CATSPERB: variants seen among roughly 807,000 people sequenced by gnomAD.
CATSPERB encodes the protein cation channel sperm-associated auxiliary subunit beta.
A neutral mutation model predicts 128.3 loss-of-function variants in CATSPERB; 93 were observed. That is an observed-to-expected ratio of 0.72 (90% CI 0.61 to 0.86). The LOEUF (loss-of-function observed/expected upper bound fraction) is 0.86, where lower values mean the gene tolerates loss of function less well. Ranked by LOEUF, CATSPERB falls within the 40% of genes least tolerant of loss-of-function variation. The pLI, the probability that CATSPERB is intolerant of heterozygous loss-of-function variation, is 0.00. For missense variants in CATSPERB, 1,153 were observed against 1,329.5 expected, an observed-to-expected ratio of 0.87 and a Z score of 2.06; for synonymous variants, 381 against 448.8, an observed-to-expected ratio of 0.85 and a Z score of 1.91.
chr14:91,708,495 G>A (rs1381078307), intron 5 of CATSPERB, among the ~76,000 whole-genome samples: 3 of 152,156 alleles, frequency 2.0e-5, no homozygotes, highest in Non-Finnish European at 4.4e-5. Flanking sequence ...TTCTCCTAGA[G>A]CTGTAGGGGC....
At chr14:91,588,241 A>C (rs1893338109) in intron 24 of CATSPERB, among the ~76,000 whole-genome samples, 163 bp from the exon 25 acceptor site, 1 of 152,194 alleles carries the variant, frequency 6.6e-6, no homozygotes, top group Non-Finnish European at 1.5e-5. Flanking sequence ...GGTACAATGA[A>C]AGATTTCACT....
intron 15 of CATSPERB, among the ~76,000 whole-genome samples, chr14:91,645,978 C>CT: frequency 6.7e-6 from 1 of 149,862 alleles, no homozygotes; most frequent in Non-Finnish European, 1.5e-5. Context: ...TTTCCAGGTG[C>CT]GTCCGTCACC....
At position 91,636,564 on chromosome 14, in the gene CATSPERB, A is replaced by T; in HGVS notation, c.1603T>A (p.Phe535Ile). The change falls in exon 17 of 27, where the codon TTT (phenylalanine) becomes ATT (isoleucine). Residue 535 changes from phenylalanine (F) to isoleucine (I), a missense_variant. Coordinates refer to ENST00000256343, the MANE Select transcript of CATSPERB (RefSeq NM_024764.4). ...TGCTGTGGGGCAAGCGCAGTCTCAA[A>T]GCCCATATCTGGAGGCTGGAAACAG... Reference protein sequence around the residue: ...NLFGQPPDMGFETALAPQHTS... With the variant: ...NLFGQPPDMGIETALAPQHTS... 1 of 1,613,264 alleles carries T rather than the reference A, an allele frequency of 6.2e-7. No individual in the cohort carries two copies. Among genetic ancestry groups the T allele is most frequent in the Non-Finnish European group, 8.5e-7 (1 of 1,179,644 alleles).
chr14:91,648,283 C>A (rs575738425), intron 15 of CATSPERB, among the ~76,000 whole-genome samples: 2 of 152,240 alleles, frequency 1.3e-5, no homozygotes, highest in African/African-American at 4.8e-5. Context: ...TGTTAATAAT[C>A]TTTTAATGGC....
chr14:91,690,567 G>A (rs1439201727), intron 10 of CATSPERB, among the ~76,000 whole-genome samples: 1 of 152,178 alleles, frequency 6.6e-6, no homozygotes, highest in Non-Finnish European at 1.5e-5. Flanking sequence ...GTTTAGCTAG[G>A]TATGGAATTC....
rs1023170155 is a variant in CATSPERB, at chr14:91,621,956, A to G, written c.1931-19T>C. The G allele has an allele frequency of 3.3e-6, 5 of 1,509,886 alleles. No individual in the cohort carries two copies. The highest frequency in any genetic ancestry group is 4.5e-6 in the Non-Finnish European group (5 of 1,116,150). The allele number at this position is 1,509,886 out of a possible 1,614,324, so 93.5% of individuals were successfully genotyped here. ...TGAACAACTGGAGATTAAACAGAAG[A>G]GACTTGGTATTAAATCAAACATCCG... is the stretch of plus-strand genomic sequence containing the variant. On this transcript the variant is annotated intron_variant, in intron 18 of 26. Transcript: ENST00000256343.
In CATSPERB at chr14:91,624,908, T is replaced by G. The variant is rs765910926; in HGVS notation, c.1842A>C (p.Leu614Phe). ...VIAEMKEPFGLEEVNESSCLS... is the reference protein window; with the variant it reads ...VIAEMKEPFGFEEVNESSCLS... ...AACAAGAGCTCTCATTCACTTCTTC[T>G]AATCCAAAGGGCTCTTTCATTTCTG... Residue 614 changes from leucine (L) to phenylalanine (F), a missense_variant, in exon 18 of 27, where the codon TTA becomes TTC. Coordinates refer to ENST00000256343, the MANE Select transcript of CATSPERB (RefSeq NM_024764.4). 82 of 1,613,240 alleles carry G rather than the reference T, an allele frequency of 5.1e-5. No individual in the cohort carries two copies. Among genetic ancestry groups the G allele is most frequent in the Non-Finnish European group, 6.7e-5 (79 of 1,179,734 alleles).
chr14:91,639,332 C>T (rs1465297787), intron 15 of CATSPERB, 82 bp from the exon 16 acceptor site: 12 of 1,165,342 alleles, frequency 1.0e-5, no homozygotes, highest in Non-Finnish European at 1.4e-5. Flanking sequence ...GTAAAGACAC[C>T]TTCATTTAAA....
At chr14:91,602,727 C>T (rs1334539060) in intron 22 of CATSPERB, among the ~76,000 whole-genome samples, 1 of 152,144 alleles carries the variant, frequency 6.6e-6, no homozygotes, top group Non-Finnish European at 1.5e-5. Flanking sequence ...TCAGAAGCTG[C>T]ATCATAAAAA....
intron 10 of CATSPERB, among the ~76,000 whole-genome samples, chr14:91,688,971 T>C (rs371720618): frequency 2.6e-5 from 4 of 152,328 alleles, no homozygotes; most frequent in Middle Eastern, 3.4e-3. Context: ...CTACCTTAAG[T>C]GTGCTTTGAA....
At chr14:91,627,860 C>T (rs1894196896) in intron 17 of CATSPERB, among the ~76,000 whole-genome samples, 1 of 152,150 alleles carries the variant, frequency 6.6e-6, no homozygotes, top group Admixed American at 6.5e-5. Flanking sequence ...TGCCTGTAGT[C>T]CCAGCTACAT....
chr14:91,666,808 G>A (rs2139826680), intron 14 of CATSPERB, among the ~76,000 whole-genome samples: 1 of 152,324 alleles, frequency 6.6e-6, no homozygotes, highest in East Asian at 1.9e-4. Flanking sequence ...AAATACGTAT[G>A]TGTGTGGCCC....
rs192378415 is a variant in CATSPERB at position 91,658,577 on chromosome 14, C to A, written c.1432+1260G>T. ...ATGTTTGTAACATAAAGGATAAATT[C>A]TTGATGTGATGGATACCCCATTTAC... On this transcript the variant is annotated intron_variant, in intron 15 of 26. Coordinates refer to ENST00000256343, the MANE Select transcript of CATSPERB (RefSeq NM_024764.4). Among the ~76,000 whole-genome samples, 7 of 149,566 alleles carry A rather than the reference C, an allele frequency of 4.7e-5. No individual in the cohort carries two copies. The East Asian group carries it at 1.4e-3, about 29-fold the overall frequency.
At chr14:91,664,130 C>A (rs1158912529) in intron 14 of CATSPERB, among the ~76,000 whole-genome samples, 1 of 152,144 alleles carries the variant, frequency 6.6e-6, no homozygotes, top group Non-Finnish European at 1.5e-5. Flanking sequence ...TCCCTGGCAA[C>A]CACGGATCTT....
intron 2 of CATSPERB, among the ~76,000 whole-genome samples, 191 bp from the exon 3 acceptor site, chr14:91,725,359 T>C (rs1896103192): frequency 6.6e-6 from 1 of 152,232 alleles, no homozygotes; most frequent in Admixed American, 6.5e-5. Context: ...AAGGTATGTT[T>C]AGAAACGGAA....
intron 22 of CATSPERB, among the ~76,000 whole-genome samples, chr14:91,602,667 A>T (rs1162375774): frequency 7.2e-5 from 11 of 152,212 alleles, no homozygotes; most frequent in Admixed American, 2.6e-4. Context: ...AAAAATAAAA[A>T]TACTTATTCC....
rs1241553374 is a variant in CATSPERB, at chr14:91,604,605, G to T, written c.2709+3689C>A. 3 of 1,610,960 alleles carry T rather than the reference G, an allele frequency of 1.9e-6. No individual in the cohort carries two copies. The African/African-American group carries it at 4.0e-5, about 21-fold the overall frequency. On this transcript the variant is annotated intron_variant, in intron 22 of 26. Coordinates refer to ENST00000256343, the MANE Select transcript of CATSPERB (RefSeq NM_024764.4). ...GATTCCTCTCCATAGTTATAGAAGG[G>T]ACTGTTCCAGGCCTGATTGTTCCAG...
chr14:91,661,064 T>C (rs1894872191), intron 14 of CATSPERB, among the ~76,000 whole-genome samples: 1 of 152,134 alleles, frequency 6.6e-6, no homozygotes, highest in African/African-American at 2.4e-5. Flanking sequence ...GCAGCACTCA[T>C]TGCTGGCATA....
intron 10 of CATSPERB, among the ~76,000 whole-genome samples, chr14:91,687,678 G>A (rs1381895614): frequency 1.3e-5 from 2 of 152,096 alleles, no homozygotes; most frequent in Non-Finnish European, 2.9e-5. Context: ...ATCTAAGCTG[G>A]GTGCGGTGAC....
Sources: gnomAD v4.1 joint callset for allele counts (sites outside exome capture counted in the v4.1 genomes callset) on GRCh38, gnomAD v4.1.1 for gene constraint, MANE v1.5 for transcripts, NCBI Gene and HGNC (gene_info 2026-07-23, HGNC 2026-07-21) for gene names.